Variants in DAB1 observed in about 807,000 individuals in gnomAD.
DAB1 encodes DAB adaptor protein 1, also known as disabled homolog 1.
Under a neutral mutation model 64.6 loss-of-function variants are expected in DAB1, and 15 were observed. The ratio of observed to expected loss-of-function variants is 0.23; its 90% CI spans 0.16 to 0.36. DAB1 has a LOEUF of 0.36. DAB1 is among the 10% of genes least tolerant of loss of function. The probability of loss-of-function intolerance (pLI) is 1.00; values close to 1 mark genes in which losing one functional copy is unlikely to be tolerated. For synonymous variants in DAB1, 235 were observed against 251.9 expected, an observed-to-expected ratio of 0.93 and a Z score of 0.64; for missense variants, 596 against 706.7, an observed-to-expected ratio of 0.84 and a Z score of 1.78.
chr1:58,522,319 A>G (rs1396229358), intron 2 of DAB1, among the ~76,000 whole-genome samples: 4 of 152,176 alleles, frequency 2.6e-5, no homozygotes, highest in Admixed American at 2.6e-4. Context: ...CTGGAACTTT[A>G]AAGTTGAAGA....
At chr1:58,056,772 G>A (rs915346437) in intron 5 of DAB1, among the ~76,000 whole-genome samples, 1 of 151,984 alleles carries the variant, frequency 6.6e-6, no homozygotes, top group African/African-American at 2.4e-5. Context: ...CCAAGTTAGT[G>A]TATTCACTCC....
At chr1:58,226,459 G>A (rs972793446) in intron 4 of DAB1, among the ~76,000 whole-genome samples, 71 of 151,658 alleles carry the variant, frequency 4.7e-4, no homozygotes, top group African/African-American at 1.6e-3. Flanking sequence ...AGGCACAGAA[G>A]CAGGGCTCGA....
chr1:58,280,845 A>G (rs1661543326), intron 4 of DAB1, among the ~76,000 whole-genome samples: 1 of 152,224 alleles, frequency 6.6e-6, no homozygotes, highest in Non-Finnish European at 1.5e-5. Context: ...ATCTAGTTAC[A>G]GAAGCAAGAC....
intron 4 of DAB1, among the ~76,000 whole-genome samples, chr1:58,285,991 G>A (rs550229189): frequency 1.9e-4 from 29 of 152,242 alleles, no homozygotes; most frequent in African/African-American, 7.0e-4. Flanking sequence ...GAACAGAACA[G>A]AGAACTCAAA....
intron 5 of DAB1, among the ~76,000 whole-genome samples, chr1:57,991,249 G>T (rs978024032): frequency 1.3e-5 from 2 of 152,170 alleles, no homozygotes; most frequent in African/African-American, 4.8e-5. Flanking sequence ...TCCAATGAGT[G>T]TGGAATAATT....
At chr1:58,539,117 T>C (rs761945457) in intron 1 of DAB1, 2 of 872,874 alleles carry the variant, frequency 2.3e-6, no homozygotes, top group African/African-American at 3.3e-5. Flanking sequence ...AAACTCCACC[T>C]GTCACACTGA....
intron 6 of DAB1, among the ~76,000 whole-genome samples, chr1:57,804,959 AG>A (rs1212061465): frequency 6.6e-6 from 1 of 152,228 alleles, no homozygotes; most frequent in Admixed American, 6.5e-5. Flanking sequence ...GGGTGGAGGA[AG>A]GACAGAGAAA....
intron 5 of DAB1, among the ~76,000 whole-genome samples, chr1:57,941,234 T>C (rs1279213926): frequency 2.0e-5 from 3 of 152,210 alleles, no homozygotes; most frequent in Non-Finnish European, 2.9e-5. Context: ...TTAATAATAA[T>C]GCCAGACACT....
chr1:57,414,139 G>T (rs1684322177), intron 1 of DAB1, among the ~76,000 whole-genome samples: 1 of 152,200 alleles, frequency 6.6e-6, no homozygotes, highest in Non-Finnish European at 1.5e-5. Flanking sequence ...GTCAGGGTTT[G>T]AGAGGACTGA....
intron 6 of DAB1, among the ~76,000 whole-genome samples, chr1:57,777,339 T>C (rs1266914335): frequency 1.3e-5 from 2 of 151,576 alleles, no homozygotes; most frequent in Non-Finnish European, 3.0e-5. Flanking sequence ...CTTTAATCTT[T>C]GAGTTTATAG....
chr1:58,159,040 G>A (rs756974096), intron 4 of DAB1, among the ~76,000 whole-genome samples: 43 of 152,102 alleles, frequency 2.8e-4, no homozygotes, highest in Non-Finnish European at 5.1e-4. Context: ...ATCTGATTTC[G>A]TCTAATTCTG....
At chr1:58,539,860 G>C (rs1646577331) in intron 1 of DAB1, among the ~76,000 whole-genome samples, 1 of 152,114 alleles carries the variant, frequency 6.6e-6, no homozygotes, top group African/African-American at 2.4e-5. Flanking sequence ...AAATCGAAGA[G>C]ATAAAGCTGG....
At chr1:57,027,998 C>G (rs1336295916) in intron 9 of DAB1, among the ~76,000 whole-genome samples, 2 of 152,188 alleles carry the variant, frequency 1.3e-5, no homozygotes, top group Admixed American at 1.3e-4. Context: ...GTTATCCAAT[C>G]TGTAGATGCA....
At chr1:57,232,326 G>A (rs1436938017) in intron 2 of DAB1, among the ~76,000 whole-genome samples, 1 of 111,218 alleles carries the variant, frequency 9.0e-6, no homozygotes, top group African/African-American at 3.4e-5. Context: ...CATTGAAATA[G>A]ACAGGAAAGT....
chr1:57,762,087 G>C (rs951386738), intron 6 of DAB1, among the ~76,000 whole-genome samples: 6 of 152,084 alleles, frequency 3.9e-5, no homozygotes, highest in South Asian at 2.1e-4. Context: ...ACTTTCAATG[G>C]TCCTAAAAGG....
intron 1 of DAB1, among the ~76,000 whole-genome samples, chr1:57,392,490 C>T (rs542928474): frequency 6.6e-6 from 1 of 152,290 alleles, no homozygotes; most frequent in Non-Finnish European, 1.5e-5. Context: ...GTGCTAGGTA[C>T]TGAGTGAAAC....
chr1:57,312,735 G>A lies in DAB1; in HGVS notation c.-136-21569C>T, dbSNP rs1033393333. On this transcript the variant is annotated intron_variant, in intron 1 of 14. Coordinates refer to ENST00000371236, the MANE Select transcript of DAB1 (RefSeq NM_001365792.1). ...TGGCCCCTATTCACACTGACCTCTCGGTGTGCAGGGAAATGAGGGCCAAAC... is the reference window on the plus strand; with the variant it reads ...TGGCCCCTATTCACACTGACCTCTCAGTGTGCAGGGAAATGAGGGCCAAAC... Among the ~76,000 whole-genome samples the A allele has an allele frequency of 4.6e-5, 7 of 152,156 alleles. No individual in the cohort carries two copies. The South Asian group carries it at 6.2e-4, about 14-fold the overall frequency.
At chr1:57,213,979 G>T (rs1291690379) in intron 2 of DAB1, among the ~76,000 whole-genome samples, 1 of 152,178 alleles carries the variant, frequency 6.6e-6, no homozygotes, top group East Asian at 1.9e-4. Flanking sequence ...AGGGAAGCAG[G>T]TATACCAAAA....
At chr1:58,394,936 T>C (rs1380791520) in intron 3 of DAB1, among the ~76,000 whole-genome samples, 2 of 151,404 alleles carry the variant, frequency 1.3e-5, no homozygotes, top group Non-Finnish European at 2.9e-5. Context: ...AAAAAAGCAA[T>C]GTGGGATGTC....
Sources: gnomAD v4.1 joint callset for allele counts (sites outside exome capture counted in the v4.1 genomes callset) on GRCh38, gnomAD v4.1.1 for gene constraint, MANE v1.5 for transcripts, NCBI Gene and HGNC (gene_info 2026-07-23, HGNC 2026-07-21) for gene names.